Variants in GMPS observed in about 807,000 individuals in gnomAD.
GMPS encodes the protein guanosine monophosphate synthase.
GMPS carries 15 observed loss-of-function variants against 77.9 expected under a neutral mutation model. The ratio of observed to expected loss-of-function variants is 0.19; its 90% CI spans 0.13 to 0.30. The LOEUF is 0.30. Among genes scored for constraint, GMPS ranks in the 10% least tolerant of loss-of-function variants. The pLI is 1.00. For missense variants in GMPS, 590 were observed against 838.8 expected (o/e 0.70, Z 3.66); for synonymous variants, 224 against 275.9 (o/e 0.81, Z 1.86).
intron 8 of GMPS, among the ~76,000 whole-genome samples, chr3:155,914,857 CT>C (rs1221157276): frequency 3.3e-5 from 5 of 152,012 alleles, no homozygotes; most frequent in Admixed American, 2.6e-4. Context: ...CAACCTCTGC[CT>C]TCTGGGTTCA....
intron 10 of GMPS, among the ~76,000 whole-genome samples, chr3:155,920,009 T>C (rs1755277567): frequency 6.6e-6 from 1 of 152,222 alleles, no homozygotes; most frequent in South Asian, 2.1e-4. Context: ...CCTAATTGAA[T>C]TGAAAAGCAT....
At chr3:155,895,817 G>A (rs1754587926) in intron 2 of GMPS, among the ~76,000 whole-genome samples, 1 of 152,038 alleles carries the variant, frequency 6.6e-6, no homozygotes, top group Non-Finnish European at 1.5e-5. Flanking sequence ...CCTTAACTAA[G>A]TCCATGACTT....
intron 12 of GMPS, among the ~76,000 whole-genome samples, chr3:155,925,588 G>A (rs756168822): frequency 3.9e-4 from 60 of 152,034 alleles, no homozygotes; most frequent in Non-Finnish European, 7.2e-4. Context: ...AGAGAAATAA[G>A]GTAATTTTTT....
chr3:155,927,845 T>A lies in GMPS; in HGVS notation c.1560+2479T>A, dbSNP rs75538033. ...CATCATGAACTTACCTTTCTGTGCC[T>A]TTCCAAGTAGATGGTTCTTAACTGT... On this transcript the variant is annotated intron_variant, in intron 12 of 15. Transcript: ENST00000496455. Among the ~76,000 whole-genome samples the A allele has an allele frequency of 1.8e-4, 27 of 152,250 alleles. No individual in the cohort carries two copies. In the East Asian group the frequency reaches 5.2e-3, roughly 29 times the overall value.
chr3:155,889,481 C>G (rs7615287), intron 1 of GMPS, among the ~76,000 whole-genome samples: 32,443 of 152,142 alleles, frequency 0.21, 6,099 homozygotes, highest in African/African-American at 0.51. Context: ...TGGGTCGTAC[C>G]TCTTGGGTGT....
chr3:155,892,699 T>C (rs1170126260), intron 1 of GMPS, among the ~76,000 whole-genome samples: 1 of 152,252 alleles, frequency 6.6e-6, no homozygotes, highest in Non-Finnish European at 1.5e-5. Flanking sequence ...TGGCATGATA[T>C]CAGCTCACTG....
In GMPS at chr3:155,911,131, A is replaced by T. The variant is rs1755026674; in HGVS notation, c.738A>T (p.Gly246=). The T allele has an allele frequency of 1.9e-6, 3 of 1,609,270 alleles. No individual in the cohort carries two copies. The highest frequency in any genetic ancestry group is 4.5e-5 in the East Asian group (2 of 44,836). Reference sequence around the variant, plus strand: ...CCCCGTAGGTTTTACTCAGTGGTGGAGTAGACTCAACAGTTTGTACAGCTT... The same window carrying T: ...CCCCGTAGGTTTTACTCAGTGGTGGTGTAGACTCAACAGTTTGTACAGCTT... ...TSKVLVLLSG[G]VDSTVCTALL... Residue 246 remains glycine (G), a synonymous_variant, in exon 7 of 16, where the codon GGA becomes GGT. Transcript: ENST00000496455.
intron 1 of GMPS, among the ~76,000 whole-genome samples, chr3:155,878,982 A>G (rs1754133976): frequency 6.6e-6 from 1 of 152,132 alleles, no homozygotes; most frequent in Non-Finnish European, 1.5e-5. Flanking sequence ...CTTATATACA[A>G]GGGCAGAAGG....
chr3:155,916,845 T>C (rs557230848), intron 9 of GMPS, among the ~76,000 whole-genome samples: 22 of 152,358 alleles, frequency 1.4e-4, no homozygotes, highest in Non-Finnish European at 2.9e-4. Context: ...TTATTTAAAA[T>C]GATGATACAA....
At chr3:155,878,904 G>C (rs760892002) in intron 1 of GMPS, among the ~76,000 whole-genome samples, 2 of 152,034 alleles carry the variant, frequency 1.3e-5, no homozygotes, top group Non-Finnish European at 2.9e-5. Context: ...GGAGAGGGAT[G>C]GGGGGAGGGT....
At chr3:155,925,430 A>C in intron 12 of GMPS, 64 bp downstream of exon 12, 17 of 1,312,936 alleles carry the variant, frequency 1.3e-5, no homozygotes, top group Non-Finnish European at 1.8e-5. Context: ...CTTGAGACGG[A>C]GTCTCACTGT....
intron 6 of GMPS, 85 bp from the exon 7 acceptor site, chr3:155,911,029 C>A: frequency 8.4e-7 from 1 of 1,193,158 alleles, no homozygotes. Context: ...GTATAAATAG[C>A]ACTTTTAGAT....
intron 1 of GMPS, among the ~76,000 whole-genome samples, chr3:155,882,267 A>ATGTTATATAT (rs1407846450): frequency 6.6e-6 from 1 of 152,230 alleles, no homozygotes; most frequent in African/African-American, 2.4e-5. Flanking sequence ...AGGGCCAACG[A>ATGTTATATAT]TGTTATATAT....
Position 155,871,021 on chromosome 3 carries a change from G to C in GMPS, c.27+124G>C, listed in dbSNP as rs547772766. On this transcript the variant is annotated intron_variant, in intron 1 of 15. Coordinates refer to ENST00000496455, the MANE Select transcript of GMPS (RefSeq NM_003875.3). ...GCCCGTCCGCGCAGCCCTGCGCCCC[G>C]GGCAGCCACGCGTCGTAGAGTCCCT... The C allele has an allele frequency of 3.1e-5, 27 of 860,244 alleles. No homozygotes were observed. The African/African-American group carries it at 3.5e-4, about 11-fold the overall frequency. The allele number at this position is 860,244 out of a possible 1,614,324, so 53.3% of individuals were successfully genotyped here. A position where few individuals can be genotyped will look rare whatever the true frequency, so the allele number is the denominator to read the frequency against.
Position 155,899,021 on chromosome 3 carries a change from A to G in GMPS, c.324+980A>G, listed in dbSNP as rs534757361. Among the ~76,000 whole-genome samples, 189 of 146,476 alleles carry G rather than the reference A, an allele frequency of 1.3e-3. 1 individual carries two copies. Among genetic ancestry groups the G allele is most frequent in the African/African-American group, 4.6e-3 (181 of 39,544 alleles). ...CGAGGCGGGTGGATCACCTGAAGTC[A>G]GGAGTTCGAGACCAGCCTGACCAAC... is the stretch of plus-strand genomic sequence containing the variant. On this transcript the variant is annotated intron_variant, in intron 3 of 15. Coordinates refer to ENST00000496455, the MANE Select transcript of GMPS (RefSeq NM_003875.3).
intron 7 of GMPS, among the ~76,000 whole-genome samples, chr3:155,912,433 T>C (rs983888750): frequency 2.0e-5 from 3 of 152,222 alleles, no homozygotes; most frequent in Non-Finnish European, 4.4e-5. Context: ...TGATAGGTTT[T>C]TGTGAAATTT....
chr3:155,925,451 C>A, intron 12 of GMPS, 85 bp downstream of exon 12: 1 of 1,130,732 alleles, frequency 8.8e-7, no homozygotes, highest in Non-Finnish European at 1.2e-6. Context: ...GTTGCCCAGG[C>A]TGGAGCGCAG....
rs566796846 is a variant in GMPS at position 155,910,074 on chromosome 3, C to T, written c.527-618C>T. On this transcript the variant is annotated intron_variant, in intron 5 of 15. Coordinates refer to ENST00000496455, the MANE Select transcript of GMPS (RefSeq NM_003875.3). ...CCTGGCCAATATGGTGAAACCCTGT[C>T]TCTACTAAAAATATAAAAGAAATAA... is the stretch of plus-strand genomic sequence containing the variant. Among the ~76,000 whole-genome samples, 3 of 151,598 alleles carry T rather than the reference C, an allele frequency of 2.0e-5. No individual in the cohort carries two copies. The East Asian group carries it at 5.8e-4, about 29-fold the overall frequency.
At chr3:155,914,392 TTA>T (rs773952151) in intron 7 of GMPS, 25 bp from the exon 8 acceptor site, 221 of 1,492,460 alleles carry the variant, frequency 1.5e-4, no homozygotes, top group South Asian at 1.2e-3. Flanking sequence ...TTATACCAAT[TTA>T]AAACGCTTCT....
Sources: allele counts gnomAD v4.1 joint callset (sites outside exome capture counted in the v4.1 genomes callset), GRCh38; gene constraint gnomAD v4.1.1; transcripts MANE v1.5; gene names NCBI Gene and HGNC (gene_info 2026-07-23, HGNC 2026-07-21).